Variants in CAMK4 observed in about 807,000 individuals in gnomAD.
CAMK4 encodes calcium/calmodulin dependent protein kinase IV.
Under a neutral mutation model 44.9 loss-of-function variants are expected in CAMK4, and 22 were observed. The observed-to-expected ratio is 0.49, with a 90% CI of 0.35 to 0.70. The LOEUF (loss-of-function observed/expected upper bound fraction) is 0.70. CAMK4 is among the 30% of genes least tolerant of loss of function. The pLI is 0.01. For synonymous variants in CAMK4, 218 were observed against 215.4 expected, an observed-to-expected ratio of 1.01 and a Z score of -0.11; for missense variants, 498 against 586.8, an observed-to-expected ratio of 0.85 and a Z score of 1.56.
At chr5:111,368,229 T>C (rs1198043662) in intron 2 of CAMK4, among the ~76,000 whole-genome samples, 1 of 152,148 alleles carries the variant, frequency 6.6e-6, no homozygotes, top group Non-Finnish European at 1.5e-5. Context: ...TTGATGCTTC[T>C]CAAGATGTTA....
At chr5:111,398,459 G>A (rs1561462389) in intron 5 of CAMK4, among the ~76,000 whole-genome samples, 1 of 152,132 alleles carries the variant, frequency 6.6e-6, no homozygotes. Flanking sequence ...ATCTGTTCTG[G>A]TGGTTTTTTT....
chr5:111,357,180 A>C (rs1750399077), intron 2 of CAMK4, among the ~76,000 whole-genome samples: 1 of 152,164 alleles, frequency 6.6e-6, no homozygotes, highest in Non-Finnish European at 1.5e-5. Flanking sequence ...AAACAGAGGA[A>C]ACCTCAGAAG....
At chr5:111,466,045 A>G (rs1053039996) in intron 7 of CAMK4, among the ~76,000 whole-genome samples, 1 of 152,250 alleles carries the variant, frequency 6.6e-6, no homozygotes, top group African/African-American at 2.4e-5. Context: ...ATGGTTTAAC[A>G]TATGCAAGTC....
chr5:111,240,352 C>T lies in CAMK4; in HGVS notation c.161+15708C>T, dbSNP rs1748931539. Reference sequence around the variant, plus strand: ...GTAGTAAGGAATATTTGAAAGCAGTCTATTAGTTTGTGCACGCTGATAAAA... The same window carrying T: ...GTAGTAAGGAATATTTGAAAGCAGTTTATTAGTTTGTGCACGCTGATAAAA... On this transcript the variant is annotated intron_variant, in intron 1 of 10. Transcript: ENST00000282356. Among the ~76,000 whole-genome samples, 3 of 151,232 alleles carry T rather than the reference C, an allele frequency of 2.0e-5. No homozygotes were observed. The South Asian group carries it at 6.2e-4, about 31-fold the overall frequency.
intron 1 of CAMK4, among the ~76,000 whole-genome samples, chr5:111,243,255 C>G (rs558840095): frequency 1.3e-5 from 2 of 152,222 alleles, no homozygotes; most frequent in South Asian, 2.1e-4. Flanking sequence ...TGGAAAATTA[C>G]TAAGAGGAAA....
intron 7 of CAMK4, among the ~76,000 whole-genome samples, chr5:111,468,266 A>C (rs987852103): frequency 2.0e-5 from 3 of 152,148 alleles, no homozygotes; most frequent in African/African-American, 7.2e-5. Flanking sequence ...AGAAATCCCC[A>C]CTAAAGAAAT....
At chr5:111,259,655 ACTT>A (rs771549184) in intron 1 of CAMK4, among the ~76,000 whole-genome samples, 26 of 152,156 alleles carry the variant, frequency 1.7e-4, no homozygotes, top group Non-Finnish European at 2.8e-4. Flanking sequence ...AAAATGCCAA[ACTT>A]ATATGTGGTA....
intron 1 of CAMK4, among the ~76,000 whole-genome samples, chr5:111,291,801 GC>G (rs1205536392): frequency 2.6e-5 from 4 of 152,126 alleles, no homozygotes; most frequent in South Asian, 2.1e-4. Context: ...GTGAGCCAGC[GC>G]ACCTGGCCTA....
chr5:111,419,611 A>C (rs1347918634), intron 5 of CAMK4, among the ~76,000 whole-genome samples: 1 of 152,046 alleles, frequency 6.6e-6, no homozygotes, highest in Non-Finnish European at 1.5e-5. Flanking sequence ...ATCTTGAATT[A>C]ATTTTTGTAT....
At chr5:111,318,742 C>G (rs1748538724) in intron 1 of CAMK4, among the ~76,000 whole-genome samples, 1 of 152,052 alleles carries the variant, frequency 6.6e-6, no homozygotes, top group Non-Finnish European at 1.5e-5. Flanking sequence ...GGCTATGACT[C>G]CTGGAAACAA....
At chr5:111,459,379 T>C (rs1219699297) in intron 7 of CAMK4, among the ~76,000 whole-genome samples, 3 of 151,996 alleles carry the variant, frequency 2.0e-5, no homozygotes, top group African/African-American at 7.3e-5. Flanking sequence ...GGTTTGGGAG[T>C]GTTCACAAAA....
chr5:111,363,916 A>G (rs1750692598), intron 2 of CAMK4, among the ~76,000 whole-genome samples: 1 of 152,150 alleles, frequency 6.6e-6, no homozygotes, highest in South Asian at 2.1e-4. Context: ...TAAAGATATC[A>G]TTCTGGATGT....
intron 2 of CAMK4, among the ~76,000 whole-genome samples, chr5:111,364,262 A>G (rs574089065): frequency 6.9e-4 from 105 of 152,184 alleles, no homozygotes; most frequent in African/African-American, 2.3e-3. Flanking sequence ...TAAAAGAAGC[A>G]AGAGAAAAAA....
chr5:111,381,938 G>GTAAAGGT (rs3066723), intron 4 of CAMK4, among the ~76,000 whole-genome samples: 138,372 of 151,764 alleles, frequency 0.91, 63,190 homozygotes, highest in East Asian at 1. Flanking sequence ...AACAGAATTA[G>GTAAAGGT]TAATGATCTT....
At chr5:111,356,652 C>T (rs1580644185) in intron 2 of CAMK4, among the ~76,000 whole-genome samples, 2 of 152,148 alleles carry the variant, frequency 1.3e-5, no homozygotes, top group Admixed American at 1.3e-4. Context: ...ACATGTAAGT[C>T]TTTTATCCAT....
Position 111,484,461 on chromosome 5 carries a change from T to G in CAMK4, c.1417T>G (p.Tyr473Asp). The G allele has an allele frequency of 6.6e-7, 1 of 1,504,442 alleles. No individual in the cohort carries two copies. Among genetic ancestry groups the G allele is most frequent in the Non-Finnish European group, 8.9e-7 (1 of 1,126,836 alleles). 93.2% of individuals were successfully genotyped at this position (1,504,442 alleles called of 1,614,324 possible). ...ACAGCAAGATGTGATCCTGCCAGAG[T>G]ACTAAACAGCTTCCTTCAGATCTGG... ...VPQQDVILPE[Y>D] is the part of the protein sequence containing the mutation. Residue 473 changes from tyrosine to aspartate, a missense_variant, in exon 11 of 11, where the codon TAC becomes GAC. By Grantham distance (160) the Tyr-to-Asp change is radical (BLOSUM62 -3). This residue lies in a region of CAMK4 where 143 missense variants were observed against 144.9 expected (regional missense o/e 0.99). Transcript: ENST00000282356. The surrounding 1 kb of genome is among the most constrained non-coding windows in gnomAD (Gnocchi z 5.3).
rs1038146731 is a variant in CAMK4 at position 111,224,785 on chromosome 5, T to C, written c.161+141T>C. ...CCTAGTTAGTGTCTTGAGAGAGAGC[T>C]AACCTTCATTCAGGTGCGGCTCGAG... On this transcript the variant is annotated intron_variant, in intron 1 of 10. Transcript: ENST00000282356. This position sits in a 1 kb window ranked among gnomAD's most constrained non-coding sequence, Gnocchi z 5.7. 3 of 826,344 alleles carry C rather than the reference T, an allele frequency of 3.6e-6. No individual in the cohort carries two copies. Among genetic ancestry groups the C allele is most frequent in the Non-Finnish European group, 5.5e-6 (3 of 548,472 alleles). 51.2% of individuals were successfully genotyped at this position (826,344 alleles called of 1,614,324 possible).
intron 1 of CAMK4, among the ~76,000 whole-genome samples, chr5:111,283,702 T>C (rs1751116282): frequency 6.6e-6 from 1 of 152,224 alleles, no homozygotes; most frequent in Non-Finnish European, 1.5e-5. Flanking sequence ...CCATCAACAA[T>C]AACCTTTTTT....
intron 2 of CAMK4, among the ~76,000 whole-genome samples, chr5:111,370,541 C>T (rs534336420): frequency 1.1e-4 from 16 of 152,120 alleles, no homozygotes; most frequent in Admixed American, 3.9e-4. Flanking sequence ...TCTAGTATAA[C>T]AATCTTAATT....
Sources: gnomAD v4.1 joint callset for allele counts (sites outside exome capture counted in the v4.1 genomes callset) on GRCh38, gnomAD v4.1.1 for gene constraint, gnomAD v4.1.1 regional missense constraint, Gnocchi (gnomAD v3.1) non-coding constraint, MANE v1.5 for transcripts, NCBI Gene and HGNC (gene_info 2026-07-23, HGNC 2026-07-21) for gene names.